The following CLDN12 variants were observed in gnomAD, a reference collection of about 807,000 sequenced individuals.
CLDN12 encodes the protein claudin-12.
Under a neutral mutation model 15.5 loss-of-function variants are expected in CLDN12, and 9 were observed. The observed-to-expected ratio is 0.58, with a 90% confidence interval of 0.35 to 1.02. The LOEUF (loss-of-function observed/expected upper bound fraction) is 1.02. Among genes scored for constraint, CLDN12 ranks in the 50% least tolerant of loss-of-function variants. The probability of loss-of-function intolerance (pLI) is 0.02; values close to 1 mark genes in which losing one functional copy is unlikely to be tolerated. For synonymous variants in CLDN12, 140 were observed against 121.6 expected, an observed-to-expected ratio of 1.15 and a Z score of -1.00; for missense variants, 233 against 297.3, an observed-to-expected ratio of 0.78 and a Z score of 1.59.
intron 2 of CLDN12, among the ~76,000 whole-genome samples, chr7:90,410,156 G>A (rs923576596): frequency 1.1e-4 from 16 of 150,738 alleles, no homozygotes; most frequent in African/African-American, 4.0e-4. Context: ...CTAGAGCTTG[G>A]CATTTCTAGT....
At position 90,412,848 on chromosome 7, in the gene CLDN12, T is replaced by C. The variant is rs1461239450; in HGVS notation, c.172T>C (p.Cys58Arg). The C allele has an allele frequency of 6.2e-7, 1 of 1,614,146 alleles. No homozygotes were observed. Among genetic ancestry groups the C allele is most frequent in the Non-Finnish European group, 8.5e-7 (1 of 1,180,030 alleles). Residue 58 changes from cysteine (C) to arginine (R), a missense_variant, in exon 4 of 4, where the codon TGT (cysteine) becomes CGT (arginine). By Grantham distance (180) the Cys-to-Arg change is radical (BLOSUM62 -3). Transcript: ENST00000496677. ...TGTTTACACAGGCCTGTGGGTGAAA[T>C]GTGCCCGGTATGACGGGAGCAGTGA... ...LTVYTGLWVK[C>R]ARYDGSSDCL...
chr7:90,406,165 C>T (rs955903686), intron 2 of CLDN12: 1 of 152,174 alleles, frequency 6.6e-6, no homozygotes, highest in African/African-American at 2.4e-5. Context: ...AACTATAACT[C>T]AGAATTGTGC....
At position 90,413,103 on chromosome 7, in the gene CLDN12, G is replaced by T; in HGVS notation, c.427G>T (p.Ala143Ser). The T allele has an allele frequency of 6.2e-7, 1 of 1,614,132 alleles. No individual in the cohort carries two copies. The highest frequency in any genetic ancestry group is 1.1e-5 in the South Asian group (1 of 91,076). ...GGTGGCTGGGCTGCTATTTTTCCTG[G>T]CAGGTACTGTGAGCCTCTCCCCATC... is the stretch of plus-strand genomic sequence containing the variant. Reference protein sequence around the residue: ...HLVAGLLFFLAGTVSLSPSIW... With the variant: ...HLVAGLLFFLSGTVSLSPSIW... The change falls in exon 4 of 4, where the codon GCA (alanine) becomes TCA (serine). Residue 143 changes from alanine (A) to serine (S), a missense_variant. Ala to Ser is a moderately conservative substitution (Grantham distance 99). Transcript: ENST00000496677.
In CLDN12 at chr7:90,412,958, G is replaced by C. The variant is rs566157753; in HGVS notation, c.282G>C (p.Met94Ile). The part of the protein sequence containing the change: ...RVLQFALPLS[M>I]LIAMGALLLC... Reference sequence around the variant, plus strand: ...TCCAGTTTGCCCTACCCCTCAGCATGCTGATCGCCATGGGTGCCCTGCTGC... The same window carrying C: ...TCCAGTTTGCCCTACCCCTCAGCATCCTGATCGCCATGGGTGCCCTGCTGC... The change falls in exon 4 of 4, where the codon ATG (methionine) becomes ATC (isoleucine). Residue 94 changes from methionine to isoleucine, a missense_variant. Transcript: ENST00000496677. 3.7e-6 allele frequency: 6 copies of C among 1,614,164 alleles called. No individual in the cohort carries two copies. Among genetic ancestry groups the C allele is most frequent in the Non-Finnish European group, 5.1e-6 (6 of 1,180,016 alleles).
At chr7:90,406,742 C>T (rs553395527) in intron 2 of CLDN12, among the ~76,000 whole-genome samples, 2 of 152,186 alleles carry the variant, frequency 1.3e-5, no homozygotes, top group East Asian at 3.9e-4. Context: ...TCCTGGACAA[C>T]AATACCAAGC....
chr7:90,413,669 G>A lies in CLDN12; in HGVS notation c.*258G>A. 1 of 1,229,500 alleles carries A rather than the reference G, an allele frequency of 8.1e-7. No individual in the cohort carries two copies. The highest frequency in any genetic ancestry group is 2.7e-5 in the South Asian group (1 of 36,512). 76.2% of individuals were successfully genotyped at this position (1,229,500 alleles called of 1,614,324 possible). A position where few individuals can be genotyped will look rare whatever the true frequency, so the allele number is the denominator to read the frequency against. On this transcript the variant is annotated 3_prime_UTR_variant, in exon 4 of 4. Transcript: ENST00000496677. ...TGATATCTAATTAATTATTTAAGTGGAAGAGGCCTGCATCACAATTGAGGT... is the reference window on the plus strand; with the variant it reads ...TGATATCTAATTAATTATTTAAGTGAAAGAGGCCTGCATCACAATTGAGGT...
chr7:90,413,318 A>G lies in CLDN12; in HGVS notation c.642A>G (p.Pro214=). 1 of 1,613,950 alleles carries G rather than the reference A, an allele frequency of 6.2e-7. No homozygotes were observed. Among genetic ancestry groups the G allele is most frequent in the Non-Finnish European group, 8.5e-7 (1 of 1,179,964 alleles). Residue 214 remains proline, a synonymous_variant, in exon 4 of 4, where the codon CCA becomes CCG. Transcript: ENST00000496677. ...SPFWQPLYSH[P]PSMHTYSQPY... ...TCTGGCAACCATTGTACTCCCATCCACCCAGTATGCATACTTACTCACAGC... is the reference window on the plus strand; with the variant it reads ...TCTGGCAACCATTGTACTCCCATCCGCCCAGTATGCATACTTACTCACAGC...
intron 2 of CLDN12, among the ~76,000 whole-genome samples, chr7:90,407,149 C>T (rs945706437): frequency 1.3e-5 from 2 of 152,186 alleles, no homozygotes; most frequent in East Asian, 1.9e-4. Flanking sequence ...CCACCCACCT[C>T]GGCCTCCCAA....
intron 2 of CLDN12, among the ~76,000 whole-genome samples, chr7:90,407,725 AG>A (rs1327013137): frequency 6.6e-6 from 1 of 152,190 alleles, no homozygotes; most frequent in Non-Finnish European, 1.5e-5. Context: ...GGACAGGGGG[AG>A]GTTTAGGACA....
At chr7:90,409,117 C>T (rs1796904167) in intron 2 of CLDN12, 1 of 152,110 alleles carries the variant, frequency 6.6e-6, no homozygotes, top group Non-Finnish European at 1.5e-5. Context: ...ACTCCATTTA[C>T]ATTTCAGGAA....
chr7:90,410,090 AGTT>A (rs34133931), intron 2 of CLDN12, among the ~76,000 whole-genome samples: 14,879 of 152,066 alleles, frequency 0.098, 1,000 homozygotes, highest in Non-Finnish European at 0.15. Flanking sequence ...CAGGCACACA[AGTT>A]GTATGGGGGA....
intron 1 of CLDN12, among the ~76,000 whole-genome samples, chr7:90,404,493 A>G (rs1295779209): frequency 6.6e-6 from 1 of 152,198 alleles, no homozygotes; most frequent in Non-Finnish European, 1.5e-5. Context: ...ATATAGAAGC[A>G]TCTTTAAGTA....
rs568718729 is a variant in CLDN12, at chr7:90,415,477, T to C, written c.*2066T>C. ...TTTTTTTAGTCCATGGGATTGTAAA[T>C]ATAAACATTAACTTTCCTATAAGAA... On this transcript the variant is annotated 3_prime_UTR_variant, in exon 4 of 4. Coordinates refer to ENST00000496677, the MANE Select transcript of CLDN12 (RefSeq NM_001185072.3). 2 of 166,838 alleles carry C rather than the reference T, an allele frequency of 1.2e-5. No individual in the cohort carries two copies. Among genetic ancestry groups the C allele is most frequent in the African/African-American group, 2.4e-5 (1 of 41,584 alleles). The allele number at this position is 166,838 out of a possible 1,614,324, so 10.3% of individuals were successfully genotyped here.
chr7:90,412,522 A>C, intron 3 of CLDN12, 122 bp from the exon 4 acceptor site: 5 of 775,680 alleles, frequency 6.4e-6, no homozygotes, highest in Non-Finnish European at 6.2e-6. Context: ...GAAACAAGGG[A>C]GAGACTTTCC....
chr7:90,408,550 T>C (rs565275878), intron 2 of CLDN12, among the ~76,000 whole-genome samples: 27 of 152,306 alleles, frequency 1.8e-4, no homozygotes, highest in African/African-American at 5.8e-4. Context: ...ATATGACTTA[T>C]CAAATCATAG....
chr7:90,414,068 T>C lies in CLDN12; in HGVS notation c.*657T>C. 1.0e-6 allele frequency: 1 copy of C among 994,300 alleles called. No homozygotes were observed. Among genetic ancestry groups the C allele is most frequent in the Non-Finnish European group, 1.2e-6 (1 of 824,674 alleles). 61.6% of individuals were successfully genotyped at this position (994,300 alleles called of 1,614,324 possible). A position where few individuals can be genotyped will look rare whatever the true frequency, so the allele number is the denominator to read the frequency against. ...GAATAACATGTAATAATTTTTAACA[T>C]TAATGATTCCATAAATTGTATTATT... On this transcript the variant is annotated 3_prime_UTR_variant, in exon 4 of 4. Coordinates refer to ENST00000496677, the MANE Select transcript of CLDN12 (RefSeq NM_001185072.3).
At position 90,413,363 on chromosome 7, in the gene CLDN12, C is replaced by T; in HGVS notation, c.687C>T (p.Arg229=). The T allele has an allele frequency of 6.2e-7, 1 of 1,614,094 alleles. No individual in the cohort carries two copies. ...TYSQPYSARS[R]LSAIEIDIPV... ...CACAGCCCTATTCAGCACGCTCTCG[C>T]CTCTCTGCCATTGAAATTGACATTC... The change falls in exon 4 of 4, where the codon CGC becomes CGT. Residue 229 remains arginine, a synonymous_variant. Coordinates refer to ENST00000496677, the MANE Select transcript of CLDN12 (RefSeq NM_001185072.3).
At chr7:90,407,655 T>C (rs1796866521) in intron 2 of CLDN12, among the ~76,000 whole-genome samples, 1 of 152,172 alleles carries the variant, frequency 6.6e-6, no homozygotes, top group African/African-American at 2.4e-5. Flanking sequence ...CAAGGAGTTA[T>C]AAGAATGATC....
chr7:90,405,272 A>G (rs374296382), intron 1 of CLDN12, among the ~76,000 whole-genome samples: 1 of 152,264 alleles, frequency 6.6e-6, no homozygotes. Flanking sequence ...CATGTTGGCC[A>G]GGCTGGTCTT....
Sources: allele counts gnomAD v4.1 joint callset (sites outside exome capture counted in the v4.1 genomes callset), GRCh38; gene constraint gnomAD v4.1.1; transcripts MANE v1.5; gene names NCBI Gene and HGNC (gene_info 2026-07-23, HGNC 2026-07-21).